MTHFD1L: variants seen among roughly 807,000 people sequenced by gnomAD.
The protein encoded by MTHFD1L is monofunctional C1-tetrahydrofolate synthase, mitochondrial.
A neutral mutation model predicts 119.5 loss-of-function variants in MTHFD1L; 81 were observed. The ratio of observed to expected loss-of-function variants is 0.68; its 90% CI spans 0.57 to 0.82. The LOEUF (loss-of-function observed/expected upper bound fraction) is 0.82. Ranked by LOEUF, MTHFD1L falls within the 40% of genes least tolerant of loss-of-function variation. The pLI is 0.00. For missense variants in MTHFD1L, 1,125 were observed against 1,253.4 expected, an observed-to-expected ratio of 0.90 and a Z score of 1.55; for synonymous variants, 430 against 475.2, an observed-to-expected ratio of 0.90 and a Z score of 1.24.
intron 11 of MTHFD1L, among the ~76,000 whole-genome samples, chr6:150,927,834 C>A (rs897769114): frequency 1.3e-5 from 2 of 151,882 alleles, no homozygotes; most frequent in African/African-American, 4.8e-5. Context: ...GGTGGAGATC[C>A]CATCTTACAC....
chr6:151,036,894 A>G, intron 25 of MTHFD1L, 71 bp from the exon 26 acceptor site: 8 of 1,544,532 alleles, frequency 5.2e-6, no homozygotes, highest in Non-Finnish European at 6.3e-6. Context: ...GAGACTGTAT[A>G]AAGTGCAAAT....
At chr6:151,000,378 T>G (rs1029616183) in intron 20 of MTHFD1L, among the ~76,000 whole-genome samples, 3 of 152,030 alleles carry the variant, frequency 2.0e-5, no homozygotes, top group Admixed American at 6.6e-5. Context: ...TTGTGCCAGT[T>G]TCTTTTTCCT....
At chr6:151,078,589 C>T (rs1484755401) in intron 26 of MTHFD1L, among the ~76,000 whole-genome samples, 1 of 152,154 alleles carries the variant, frequency 6.6e-6, no homozygotes, top group Non-Finnish European at 1.5e-5. Flanking sequence ...AGTTGTGGGA[C>T]TGAGGGCCCA....
At chr6:151,015,823 A>G (rs1303704308) in intron 24 of MTHFD1L, 130 bp downstream of exon 24, 3 of 1,145,074 alleles carry the variant, frequency 2.6e-6, no homozygotes, top group Non-Finnish European at 3.6e-6. Context: ...GCAGTGGCTC[A>G]CGCCTGTAAT....
chr6:150,893,883 G>C (rs1431320023), intron 7 of MTHFD1L, among the ~76,000 whole-genome samples: 1 of 152,186 alleles, frequency 6.6e-6, no homozygotes, highest in Non-Finnish European at 1.5e-5. Context: ...CTCTGAGCCT[G>C]TTCCCTCGCG....
chr6:150,968,721 G>A (rs562262535), intron 19 of MTHFD1L, among the ~76,000 whole-genome samples: 6 of 151,656 alleles, frequency 4.0e-5, no homozygotes, highest in Middle Eastern at 3.4e-3. Flanking sequence ...TCACCACGTT[G>A]GCCAGGCTGG....
intron 7 of MTHFD1L, among the ~76,000 whole-genome samples, chr6:150,891,193 C>T (rs995208641): frequency 3.3e-5 from 5 of 152,026 alleles, no homozygotes; most frequent in Non-Finnish European, 7.4e-5. Flanking sequence ...ACCATGTTGG[C>T]CAGGCTGGTC....
intron 19 of MTHFD1L, among the ~76,000 whole-genome samples, chr6:150,969,734 A>T (rs1797762570): frequency 6.6e-6 from 1 of 152,200 alleles, no homozygotes; most frequent in Admixed American, 6.5e-5. Context: ...TGTAGGAAGC[A>T]AACAAAGCTT....
intron 26 of MTHFD1L, among the ~76,000 whole-genome samples, chr6:151,063,350 ATT>A (rs1198689969): frequency 6.6e-6 from 1 of 152,216 alleles, no homozygotes; most frequent in Non-Finnish European, 1.5e-5. Flanking sequence ...CTCTATATAT[ATT>A]AAAAGAAACA....
At chr6:150,968,431 C>T (rs992992349) in intron 19 of MTHFD1L, among the ~76,000 whole-genome samples, 4 of 152,248 alleles carry the variant, frequency 2.6e-5, no homozygotes, top group Non-Finnish European at 4.4e-5. Context: ...GATATTCCTT[C>T]ATAACACTTC....
At chr6:150,870,963 T>A (rs7767116) in intron 1 of MTHFD1L, among the ~76,000 whole-genome samples, 55,316 of 128,346 alleles carry the variant, frequency 0.43, 11,172 homozygotes, top group African/African-American at 0.52. Flanking sequence ...ATATATATAT[T>A]ATATATATAA....
intron 8 of MTHFD1L, among the ~76,000 whole-genome samples, chr6:150,915,569 T>A (rs1787715234): frequency 6.6e-6 from 1 of 152,180 alleles, no homozygotes; most frequent in Non-Finnish European, 1.5e-5. Flanking sequence ...TGATACCAGC[T>A]CCTGGAATGT....
At chr6:150,964,944 T>C in intron 18 of MTHFD1L, 25 bp from the exon 19 acceptor site, 1 of 1,609,462 alleles carries the variant, frequency 6.2e-7, no homozygotes, top group South Asian at 1.1e-5. Context: ...TTGTCAGGAA[T>C]CTAATGTTTT....
intron 26 of MTHFD1L, among the ~76,000 whole-genome samples, chr6:151,059,039 G>A (rs1211554291): frequency 6.6e-6 from 1 of 152,028 alleles, no homozygotes; most frequent in East Asian, 1.9e-4. Context: ...CCTCAGTGAG[G>A]GGCAGGCTGG....
intron 11 of MTHFD1L, among the ~76,000 whole-genome samples, chr6:150,936,231 AGTGGGCCACCCCAGAGGTCAT>A (rs1792029477): frequency 6.6e-6 from 1 of 152,212 alleles, no homozygotes; most frequent in African/African-American, 2.4e-5. Context: ...TCTGTAAATG[AGTGGGCCACCCCAGAGGTCAT>A]GACCTTATCA....
chr6:150,883,465 A>G lies in MTHFD1L; in HGVS notation c.542+579A>G, dbSNP rs561165898. 3.9e-5 allele frequency among the ~76,000 whole-genome samples: 6 copies of G among 152,324 alleles called. No individual in the cohort carries two copies. The South Asian group carries it at 1.0e-3, about 26-fold the overall frequency. On this transcript the variant is annotated intron_variant, in intron 5 of 27. Transcript: ENST00000367321. ...AATAAATTCCGGTCTGACTTATACA[A>G]TCTTTAGCCAGCTCTATTCTTCTAA...
At chr6:151,052,020 G>A (rs991072093) in intron 26 of MTHFD1L, among the ~76,000 whole-genome samples, 4 of 152,228 alleles carry the variant, frequency 2.6e-5, no homozygotes, top group African/African-American at 9.6e-5. Context: ...GCCGGGAGAC[G>A]CAGTGGAGTG....
chr6:150,866,194 C>A, intron 1 of MTHFD1L, 145 bp downstream of exon 1: 1 of 1,357,790 alleles, frequency 7.4e-7, no homozygotes, highest in Non-Finnish European at 9.6e-7. Context: ...GGCGGTGTGT[C>A]GGGAAACGCG....
At chr6:151,078,212 C>T (rs1792775769) in intron 26 of MTHFD1L, among the ~76,000 whole-genome samples, 1 of 151,850 alleles carries the variant, frequency 6.6e-6, no homozygotes, top group African/African-American at 2.4e-5. Context: ...CTCAAATGAG[C>T]AAGCAGAGGA....
Sources: gnomAD v4.1 joint callset for allele counts (sites outside exome capture counted in the v4.1 genomes callset) on GRCh38, gnomAD v4.1.1 for gene constraint, MANE v1.5 for transcripts, NCBI Gene and HGNC (gene_info 2026-07-23, HGNC 2026-07-21) for gene names.